GRM8: variants seen among roughly 807,000 people sequenced by gnomAD.
The protein encoded by GRM8 is glutamate metabotropic receptor 8.
A neutral mutation model predicts 87.2 loss-of-function variants in GRM8; 47 were observed. The observed-to-expected ratio is 0.54, with a 90% confidence interval of 0.43 to 0.69. The LOEUF (loss-of-function observed/expected upper bound fraction) is 0.69. Ranked by LOEUF, GRM8 falls within the 30% of genes least tolerant of loss-of-function variation. The pLI is 0.00. For synonymous variants in GRM8, 396 were observed against 404.5 expected (o/e 0.98, Z 0.25); for missense variants, 1,019 against 1,139.2 (o/e 0.89, Z 1.52).
intron 2 of GRM8, among the ~76,000 whole-genome samples, chr7:127,143,425 G>A (rs1225536331): frequency 3.3e-5 from 5 of 152,140 alleles, no homozygotes; most frequent in African/African-American, 9.7e-5. Context: ...AATATCCAGT[G>A]TGATACCTCT....
chr7:126,471,349 T>A (rs1805196489), intron 9 of GRM8, among the ~76,000 whole-genome samples: 1 of 152,156 alleles, frequency 6.6e-6, no homozygotes, highest in African/African-American at 2.4e-5. Context: ...CTTTAATCCA[T>A]CTTGAATTAA....
At chr7:127,010,509 A>G (rs1814779580) in intron 3 of GRM8, among the ~76,000 whole-genome samples, 1 of 152,186 alleles carries the variant, frequency 6.6e-6, no homozygotes, top group Admixed American at 6.5e-5. Flanking sequence ...AAAAATATAT[A>G]CAAAACTGTA....
intron 7 of GRM8, 47 bp from the exon 8 acceptor site, chr7:126,609,545 C>T (rs1397117374): frequency 6.9e-7 from 1 of 1,449,026 alleles, no homozygotes; most frequent in Non-Finnish European, 9.5e-7. Flanking sequence ...AGTAAGATAG[C>T]CCACTGGGTT....
intron 8 of GRM8, among the ~76,000 whole-genome samples, chr7:126,560,224 A>AT (rs915298715): frequency 1.7e-4 from 26 of 152,302 alleles, no homozygotes; most frequent in African/African-American, 5.8e-4. Context: ...TAAGTCACTG[A>AT]TTTTTTAACC....
chr7:126,630,965 C>G (rs1189363481), intron 7 of GRM8, among the ~76,000 whole-genome samples: 2 of 152,128 alleles, frequency 1.3e-5, no homozygotes, highest in Non-Finnish European at 2.9e-5. Context: ...CCCTTGAAAG[C>G]TGGCACAAGA....
rs538068027 is a variant in GRM8, at chr7:127,204,282, G to A, written c.510+38413C>T. The stretch of plus-strand genomic sequence containing the variant: ...TTATACATATCTAACTTTTGCCTTC[G>A]GATACTCCCAGCAAAGGACAACAGA... On this transcript the variant is annotated intron_variant, in intron 2 of 10. Coordinates refer to ENST00000339582, the MANE Select transcript of GRM8 (RefSeq NM_000845.3). 3.9e-5 allele frequency among the ~76,000 whole-genome samples: 6 copies of A among 152,120 alleles called. No homozygotes were observed. In the South Asian group the frequency reaches 8.3e-4, roughly 21 times the overall value.
intron 6 of GRM8, among the ~76,000 whole-genome samples, chr7:126,857,607 G>A (rs1563254651): frequency 6.6e-6 from 1 of 152,154 alleles, no homozygotes; most frequent in Non-Finnish European, 1.5e-5. Context: ...CACGTGTCAG[G>A]TGAGACGAAC....
intron 8 of GRM8, among the ~76,000 whole-genome samples, chr7:126,558,135 G>A (rs1793340897): frequency 1.3e-5 from 2 of 152,144 alleles, no homozygotes; most frequent in African/African-American, 2.4e-5. Context: ...TGGAAGGGTA[G>A]GATCAAAATT....
chr7:126,620,716 T>C (rs1181721016), intron 7 of GRM8, among the ~76,000 whole-genome samples: 1 of 151,994 alleles, frequency 6.6e-6, no homozygotes, highest in African/African-American at 2.4e-5. Context: ...ACAGTGTATA[T>C]GACTGGTACA....
At chr7:127,099,545 C>A (rs1350798171) in intron 3 of GRM8, among the ~76,000 whole-genome samples, 1 of 152,152 alleles carries the variant, frequency 6.6e-6, no homozygotes, top group Non-Finnish European at 1.5e-5. Context: ...CAGTCTGGAA[C>A]CCTGAATTAT....
chr7:126,564,185 G>A (rs148517667), intron 8 of GRM8, among the ~76,000 whole-genome samples: 10 of 152,288 alleles, frequency 6.6e-5, no homozygotes, highest in African/African-American at 2.4e-4. Context: ...ATCTTTCCTA[G>A]CAAAAGTGTT....
chr7:127,035,337 C>A (rs1349953109), intron 3 of GRM8, among the ~76,000 whole-genome samples: 4 of 152,170 alleles, frequency 2.6e-5, no homozygotes, highest in Non-Finnish European at 5.9e-5. Flanking sequence ...GGTTGATTCA[C>A]TCAAGCAACC....
intron 10 of GRM8, among the ~76,000 whole-genome samples, chr7:126,443,164 T>C (rs1158215818): frequency 6.6e-6 from 1 of 152,022 alleles, no homozygotes; most frequent in Non-Finnish European, 1.5e-5. Flanking sequence ...GAATTATTCA[T>C]GAACATAGCT....
intron 2 of GRM8, among the ~76,000 whole-genome samples, chr7:127,170,691 C>A (rs1793744069): frequency 6.6e-6 from 1 of 152,088 alleles, no homozygotes; most frequent in South Asian, 2.1e-4. Flanking sequence ...GCATTTGGAC[C>A]AACCTGAATG....
At chr7:126,729,811 A>C (rs1813402537) in intron 7 of GRM8, among the ~76,000 whole-genome samples, 1 of 152,122 alleles carries the variant, frequency 6.6e-6, no homozygotes, top group African/African-American at 2.4e-5. Flanking sequence ...AGAATAAGTA[A>C]ATGTCTCTCA....
chr7:127,013,353 G>A (rs1815082867), intron 3 of GRM8, among the ~76,000 whole-genome samples: 1 of 152,076 alleles, frequency 6.6e-6, no homozygotes, highest in African/African-American at 2.4e-5. Flanking sequence ...GCAGAGGCAT[G>A]GAGACCAGCA....
chr7:127,142,696 T>C (rs1316066082), intron 2 of GRM8, among the ~76,000 whole-genome samples: 1 of 152,004 alleles, frequency 6.6e-6, no homozygotes, highest in African/African-American at 2.4e-5. Flanking sequence ...GATGGATGGA[T>C]GGATTGGATG....
chr7:126,461,366 C>G (rs1411301028), intron 9 of GRM8, among the ~76,000 whole-genome samples: 1 of 151,588 alleles, frequency 6.6e-6, no homozygotes, highest in Admixed American at 6.6e-5. Flanking sequence ...TAACCCACAA[C>G]CACAACTCCT....
intron 8 of GRM8, among the ~76,000 whole-genome samples, chr7:126,570,194 T>A (rs144828319): frequency 2.0e-5 from 3 of 152,358 alleles, no homozygotes; most frequent in Admixed American, 6.5e-5. Flanking sequence ...CAATCAATAC[T>A]TTGCCCTATG....
Sources: allele counts gnomAD v4.1 joint callset (sites outside exome capture counted in the v4.1 genomes callset), GRCh38; gene constraint gnomAD v4.1.1; transcripts MANE v1.5; gene names NCBI Gene and HGNC (gene_info 2026-07-23, HGNC 2026-07-21).